The following NYAP2 variants were observed in gnomAD, a reference collection of about 807,000 sequenced individuals.
The protein encoded by NYAP2 is neuronal tyrosine-phosphorylated phosphoinositide-3-kinase adaptor 2.
In NYAP2, 23 loss-of-function variants were observed where a neutral mutation model predicts 50.4. The observed-to-expected ratio is 0.46, with a 90% CI of 0.33 to 0.65. The LOEUF (loss-of-function observed/expected upper bound fraction) is 0.65, where lower values mean the gene tolerates loss of function less well. Among genes scored for constraint, NYAP2 ranks in the 30% least tolerant of loss-of-function variants. The pLI, the probability that NYAP2 is intolerant of heterozygous loss-of-function variation, is 0.02. For missense variants in NYAP2, 885 were observed against 861.0 expected (o/e 1.03, Z -0.35); for synonymous variants, 394 against 365.2 (o/e 1.08, Z -0.90).
chr2:225,567,663 G>A (rs2106219722), intron 4 of NYAP2, among the ~76,000 whole-genome samples: 1 of 152,090 alleles, frequency 6.6e-6, no homozygotes, highest in Non-Finnish European at 1.5e-5. Context: ...GGAGGAGCTG[G>A]TGATGTTTGA....
chr2:225,592,289 C>T (rs1692520983), intron 5 of NYAP2, among the ~76,000 whole-genome samples: 1 of 152,112 alleles, frequency 6.6e-6, no homozygotes, highest in Non-Finnish European at 1.5e-5. Flanking sequence ...AGTAGTTTGG[C>T]CCATGGCTAC....
chr2:225,582,935 A>G lies in NYAP2; in HGVS notation c.1518A>G (p.Thr506=), dbSNP rs780787340. 1 of 1,612,656 alleles carries G rather than the reference A, an allele frequency of 6.2e-7. No homozygotes were observed. Among genetic ancestry groups the G allele is most frequent in the Non-Finnish European group, 8.5e-7 (1 of 1,179,762 alleles). Residue 506 remains threonine (T), a synonymous_variant, in exon 5 of 7, where the codon ACA becomes ACG. Coordinates refer to ENST00000636099, the Ensembl canonical transcript of NYAP2. This position sits in a 1 kb window ranked among gnomAD's most constrained non-coding sequence, Gnocchi z 7.0. ...CCCCGGGTGGCTCCCGGTCCCGGAC[A>G]CCCACGAGCCCGCTGGAGGAGCTGA... is the stretch of plus-strand genomic sequence containing the variant.
chr2:225,677,359 A>G, the NYAP2 span, among the ~76,000 whole-genome samples: 1 of 152,106 alleles, frequency 6.6e-6, no homozygotes, highest in Non-Finnish European at 1.5e-5. Context: ...TTTGGCAAAG[A>G]GAGAATAGTT....
At chr2:225,543,014 A>C (rs1350502243) in intron 4 of NYAP2, among the ~76,000 whole-genome samples, 2 of 152,004 alleles carry the variant, frequency 1.3e-5, no homozygotes, top group Non-Finnish European at 2.9e-5. Context: ...GTGTCTAGGA[A>C]TTTATTCACT....
chr2:225,399,318 A>T (rs560197480), upstream of NYAP2, among the ~76,000 whole-genome samples: 231 of 152,174 alleles, frequency 1.5e-3, no homozygotes, highest in African/African-American at 5.3e-3. Context: ...AGTATGAGAA[A>T]AACTTTGAGC....
chr2:225,572,057 T>C (rs1227504152), intron 4 of NYAP2, among the ~76,000 whole-genome samples: 1 of 152,192 alleles, frequency 6.6e-6, no homozygotes, highest in Non-Finnish European at 1.5e-5. Context: ...TCCCAAGAAG[T>C]TCCTCATCTC....
chr2:225,504,582 GTA>G (rs1028929135), intron 3 of NYAP2, among the ~76,000 whole-genome samples: 20 of 152,154 alleles, frequency 1.3e-4, no homozygotes, highest in Non-Finnish European at 2.9e-5. Flanking sequence ...AGTTCATAAA[GTA>G]TATGTCTTCT....
intron 4 of NYAP2, among the ~76,000 whole-genome samples, chr2:225,521,321 G>A (rs1365149066): frequency 6.6e-6 from 1 of 151,774 alleles, no homozygotes; most frequent in Non-Finnish European, 1.5e-5. Flanking sequence ...TTGAATAGGA[G>A]TGCTGAGAGA....
At chr2:225,605,127 C>T (rs187062545) in intron 5 of NYAP2, among the ~76,000 whole-genome samples, 13 of 152,136 alleles carry the variant, frequency 8.5e-5, no homozygotes, top group Admixed American at 3.9e-4. Context: ...AGAATGGAAA[C>T]GATATTTTTC....
chr2:225,662,338 ATTAACAC>A, the NYAP2 span, among the ~76,000 whole-genome samples: 1 of 152,398 alleles, frequency 6.6e-6, no homozygotes, highest in East Asian at 1.9e-4. Flanking sequence ...GTCTGTGGAT[ATTAACAC>A]TTGAGCACAT....
exon 7 of NYAP2, chr2:225,652,766 A>T (rs1693757616): frequency 6.6e-6 from 1 of 152,220 alleles, no homozygotes. Flanking sequence ...CTATTATTTT[A>T]AATGTCAGGC....
chr2:225,665,807 TAAAAAAAA>T, the NYAP2 span, among the ~76,000 whole-genome samples: 9 of 20,996 alleles, frequency 4.3e-4, no homozygotes, highest in African/African-American at 1.4e-3. Context: ...AGCCTCCGTC[TAAAAAAAA>T]AAAAAAAAAA....
the NYAP2 span, chr2:225,701,419 A>G: frequency 6.6e-6 from 1 of 151,948 alleles, no homozygotes; most frequent in African/African-American, 2.4e-5. Context: ...AGCAAATTTC[A>G]TAGAAACAGA....
chr2:225,631,369 G>A (rs1324411894), intron 6 of NYAP2, among the ~76,000 whole-genome samples: 3 of 152,142 alleles, frequency 2.0e-5, no homozygotes, highest in South Asian at 4.1e-4. Context: ...TGTAGAGCAG[G>A]AAATTGTCTA....
chr2:225,591,271 A>G (rs1692497643), intron 5 of NYAP2, among the ~76,000 whole-genome samples: 6 of 152,208 alleles, frequency 3.9e-5, no homozygotes, highest in Admixed American at 3.9e-4. Context: ...GGATGGAATG[A>G]GAGCATTACT....
chr2:225,527,331 G>A (rs919927504), intron 4 of NYAP2, among the ~76,000 whole-genome samples: 1 of 152,188 alleles, frequency 6.6e-6, no homozygotes, highest in African/African-American at 2.4e-5. Context: ...CAAATGTAAT[G>A]GATTAAAGCA....
intron 5 of NYAP2, among the ~76,000 whole-genome samples, chr2:225,620,676 T>C (rs902435453): frequency 3.3e-5 from 5 of 152,122 alleles, no homozygotes; most frequent in African/African-American, 1.2e-4. Context: ...TTTCTCTAAA[T>C]ACACCTGCCT....
intron 3 of NYAP2, among the ~76,000 whole-genome samples, chr2:225,500,506 C>T (rs1690586739): frequency 6.6e-6 from 1 of 152,144 alleles, no homozygotes; most frequent in Non-Finnish European, 1.5e-5. Flanking sequence ...GAGACCTCAG[C>T]AGAATATTTT....
intron 3 of NYAP2, among the ~76,000 whole-genome samples, chr2:225,469,885 G>A (rs1689985322): frequency 6.6e-6 from 1 of 152,156 alleles, no homozygotes; most frequent in Non-Finnish European, 1.5e-5. Flanking sequence ...AGCATTAGGA[G>A]AAATACCTAA....
Sources: allele counts gnomAD v4.1 joint callset (sites outside exome capture counted in the v4.1 genomes callset), GRCh38; gene constraint gnomAD v4.1.1; non-coding constraint Gnocchi (gnomAD v3.1); transcripts MANE v1.5; gene names NCBI Gene and HGNC (gene_info 2026-07-23, HGNC 2026-07-21).